Variants in CSMD1 observed in about 807,000 individuals in gnomAD.
The protein encoded by CSMD1 is CUB and Sushi multiple domains 1.
A neutral mutation model predicts 417.5 loss-of-function variants in CSMD1; 213 were observed. The observed-to-expected ratio is 0.51, with a 90% CI of 0.46 to 0.57. CSMD1 has a LOEUF of 0.57. CSMD1 is among the 20% of genes least tolerant of loss of function. The probability of loss-of-function intolerance (pLI) is 0.00; values close to 1 mark genes in which losing one functional copy is unlikely to be tolerated. For missense variants in CSMD1, 6,923 were observed against 4,529.7 expected (o/e 1.53, Z -15.17); for synonymous variants, 2,862 against 1,736.8 (o/e 1.65, Z -16.11).
At chr8:3,624,256 C>T (rs965041911) in intron 7 of CSMD1, among the ~76,000 whole-genome samples, 1 of 152,142 alleles carries the variant, frequency 6.6e-6, no homozygotes. Context: ...TTAGTCCAAA[C>T]CATCTGTTAG....
At chr8:4,495,270 G>A (rs1045833626) in intron 2 of CSMD1, among the ~76,000 whole-genome samples, 2 of 152,158 alleles carry the variant, frequency 1.3e-5, no homozygotes, top group Admixed American at 6.5e-5. Flanking sequence ...TCATAAAAAT[G>A]TGACTAATAC....
chr8:4,365,148 TC>T (rs1563097658), intron 3 of CSMD1, among the ~76,000 whole-genome samples: 1 of 152,184 alleles, frequency 6.6e-6, no homozygotes, highest in Non-Finnish European at 1.5e-5. Flanking sequence ...ATACAGCATA[TC>T]ATATTTTTAT....
intron 3 of CSMD1, among the ~76,000 whole-genome samples, chr8:4,072,076 C>G (rs1222074788): frequency 6.6e-6 from 1 of 152,218 alleles, no homozygotes; most frequent in African/African-American, 2.4e-5. Flanking sequence ...CCAGCACTGA[C>G]ATGCTTGACC....
intron 2 of CSMD1, among the ~76,000 whole-genome samples, chr8:4,445,909 G>T (rs115224422): frequency 1.5e-4 from 23 of 152,164 alleles, no homozygotes; most frequent in African/African-American, 5.3e-4. Flanking sequence ...ATGCAGGGAC[G>T]TGACCTGGGC....
chr8:4,168,102 T>G (rs1797556485), intron 3 of CSMD1, among the ~76,000 whole-genome samples: 1 of 151,192 alleles, frequency 6.6e-6, no homozygotes, highest in South Asian at 2.1e-4. Context: ...GCTCTCCAGC[T>G]TGGGAAAGAG....
At chr8:3,351,412 A>G (rs1292915594) in intron 21 of CSMD1, among the ~76,000 whole-genome samples, 1 of 151,964 alleles carries the variant, frequency 6.6e-6, no homozygotes, top group African/African-American at 2.4e-5. Context: ...GGAGTTGAAG[A>G]CCAGCCTGGC....
At chr8:4,472,867 G>C (rs1367081121) in intron 2 of CSMD1, among the ~76,000 whole-genome samples, 1 of 151,726 alleles carries the variant, frequency 6.6e-6, no homozygotes, top group Non-Finnish European at 1.5e-5. Context: ...ATTAAACATA[G>C]TTATTCACTT....
At chr8:4,225,213 C>A (rs145856170) in intron 3 of CSMD1, among the ~76,000 whole-genome samples, 82 of 152,286 alleles carry the variant, frequency 5.4e-4, no homozygotes, top group Middle Eastern at 3.4e-3. Context: ...CCTCCATAAA[C>A]CAGAGACGGC....
chr8:4,660,638 A>G (rs1424783607), intron 1 of CSMD1, among the ~76,000 whole-genome samples: 6 of 151,890 alleles, frequency 4.0e-5, no homozygotes, highest in Non-Finnish European at 5.9e-5. Flanking sequence ...AGTTCAGCAA[A>G]ATTAAAAACA....
chr8:4,238,691 T>C (rs951043423), intron 3 of CSMD1, among the ~76,000 whole-genome samples: 9 of 152,232 alleles, frequency 5.9e-5, no homozygotes, highest in Non-Finnish European at 1.3e-4. Flanking sequence ...TGGCCCTCAA[T>C]ACCTGTTAGC....
chr8:4,705,073 G>A (rs924056993), intron 1 of CSMD1, among the ~76,000 whole-genome samples: 3 of 152,100 alleles, frequency 2.0e-5, no homozygotes, highest in Non-Finnish European at 2.9e-5. Context: ...GTTCTCATCA[G>A]ATATGATGGT....
intron 2 of CSMD1, among the ~76,000 whole-genome samples, chr8:4,602,195 G>A (rs985476623): frequency 2.0e-5 from 3 of 152,068 alleles, no homozygotes; most frequent in African/African-American, 7.2e-5. Flanking sequence ...CATGTCTTGA[G>A]GCATTGCCTT....
Position 4,318,544 on chromosome 8 carries a change from C to T in CSMD1, c.415+101409G>A, listed in dbSNP as rs538474266. Among the ~76,000 whole-genome samples, 10 of 152,042 alleles carry T rather than the reference C, an allele frequency of 6.6e-5. No homozygotes were observed. The East Asian group carries it at 7.7e-4, about 12-fold the overall frequency. ...GAGTAAGTACTGATTAATAAAGTTA[C>T]GTTAACAAGAGCTTTTACACTAAAA... is the stretch of plus-strand genomic sequence containing the variant. On this transcript the variant is annotated intron_variant, in intron 3 of 69. Transcript: ENST00000635120.
At chr8:4,992,840 G>A (rs914395229) in intron 1 of CSMD1, among the ~76,000 whole-genome samples, 1 of 152,226 alleles carries the variant, frequency 6.6e-6, no homozygotes, top group Non-Finnish European at 1.5e-5. Context: ...GAGCGACCAC[G>A]AGCTTGGGTG....
chr8:3,853,726 G>T (rs145554761), intron 5 of CSMD1, among the ~76,000 whole-genome samples: 5 of 151,834 alleles, frequency 3.3e-5, no homozygotes, highest in African/African-American at 7.3e-5. Context: ...CCTCGGGGTG[G>T]GGGGAGCAGG....
intron 5 of CSMD1, among the ~76,000 whole-genome samples, chr8:3,926,883 G>C (rs947489786): frequency 4.0e-5 from 6 of 151,404 alleles, no homozygotes; most frequent in Middle Eastern, 3.2e-3. Context: ...ACCCAGCTAA[G>C]TTTTGTATTT....
intron 7 of CSMD1, among the ~76,000 whole-genome samples, chr8:3,653,984 T>C (rs17066823): frequency 6.6e-6 from 1 of 152,142 alleles, no homozygotes; most frequent in East Asian, 1.9e-4. Flanking sequence ...GAAAATGTGA[T>C]TTGAACTTGG....
chr8:3,157,937 C>G lies in CSMD1; in HGVS notation c.5874G>C (p.Gly1958=). 10 of 1,554,524 alleles carry G rather than the reference C, an allele frequency of 6.4e-6. No individual in the cohort carries two copies. The highest frequency in any genetic ancestry group is 8.7e-6 in the Non-Finnish European group (10 of 1,148,658). The change falls in exon 39 of 70, where the codon GGG becomes GGC. Residue 1958 remains glycine, a synonymous_variant. Transcript: ENST00000635120. The stretch of plus-strand genomic sequence containing the variant: ...ACGGATAGTTCCAACGGCGAACGGT[C>G]CCTGGCATACAGGAAATGTGGGAAC... ...QGRSHISCMP[G]TVRRWNYPSP...
intron 1 of CSMD1, among the ~76,000 whole-genome samples, chr8:4,668,812 A>G (rs1365456682): frequency 6.6e-6 from 1 of 152,052 alleles, no homozygotes; most frequent in Non-Finnish European, 1.5e-5. Flanking sequence ...AACATTCTCC[A>G]TGATTTCTTC....
Sources: allele counts gnomAD v4.1 joint callset (sites outside exome capture counted in the v4.1 genomes callset), GRCh38; gene constraint gnomAD v4.1.1; transcripts MANE v1.5; gene names NCBI Gene and HGNC (gene_info 2026-07-23, HGNC 2026-07-21).